Variants in RBP4 observed in about 807,000 individuals in gnomAD.
RBP4 encodes the protein retinol-binding protein 4.
In RBP4, 9 loss-of-function variants were observed where a neutral mutation model predicts 26.2. The observed-to-expected ratio is 0.34, with a 90% confidence interval of 0.21 to 0.60. The LOEUF is 0.60. RBP4 is among the 20% of genes least tolerant of loss of function. The pLI is 0.80. For synonymous variants in RBP4, 114 were observed against 111.0 expected (o/e 1.03, Z -0.17); for missense variants, 244 against 271.3 (o/e 0.90, Z 0.71).
chr10:93,599,683 C>T (rs1253820257), intron 4 of RBP4, among the ~76,000 whole-genome samples: 1 of 152,142 alleles, frequency 6.6e-6, no homozygotes, highest in Non-Finnish European at 1.5e-5. Flanking sequence ...GTCCCCTGGC[C>T]TGCATTATTC....
In RBP4 at chr10:93,591,951, T is replaced by C. The variant is rs369036602; in HGVS notation, c.*124A>G. 1.1e-5 allele frequency: 9 copies of C among 842,670 alleles called. No individual in the cohort carries two copies. Among genetic ancestry groups the C allele is most frequent in the East Asian group, 7.3e-5 (3 of 41,090 alleles). The allele number at this position is 842,670 out of a possible 1,614,324, so 52.2% of individuals were successfully genotyped here. A position where few individuals can be genotyped will look rare whatever the true frequency, so the allele number is the denominator to read the frequency against. ...CCCCCACGTGTATCTTTATGTGTAATGAAGGTTTTATGGGAACTGAGGGAA... is the reference window on the plus strand; with the variant it reads ...CCCCCACGTGTATCTTTATGTGTAACGAAGGTTTTATGGGAACTGAGGGAA... On this transcript the variant is annotated 3_prime_UTR_variant, in exon 6 of 6. Transcript: ENST00000371464.
intron 3 of RBP4, 55 bp from the exon 4 acceptor site, chr10:93,600,554 C>T: frequency 1.2e-6 from 2 of 1,612,148 alleles, no homozygotes; most frequent in Non-Finnish European, 8.5e-7. Flanking sequence ...TCCTCCCTCC[C>T]TCCACCCATT....
At chr10:93,601,374 A>G (rs923666990), upstream of RBP4, 24 of 1,247,934 alleles carry the variant, frequency 1.9e-5, no homozygotes, top group South Asian at 4.6e-4. Context: ...GAGCCCGGGC[A>G]CGGGCAGGGT....
At chr10:93,596,836 C>G (rs2058305947) in intron 4 of RBP4, among the ~76,000 whole-genome samples, 1 of 152,194 alleles carries the variant, frequency 6.6e-6, no homozygotes, top group Non-Finnish European at 1.5e-5. Flanking sequence ...CCTGCATGCT[C>G]CAATCATCTA....
intron 3 of RBP4, 55 bp downstream of exon 3, chr10:93,600,612 G>T: frequency 3.1e-6 from 5 of 1,612,526 alleles, no homozygotes; most frequent in Non-Finnish European, 4.2e-6. Flanking sequence ...CAGCAGGCAG[G>T]GCCCTTGGGG....
intron 3 of RBP4, 60 bp from the exon 4 acceptor site, chr10:93,600,559 C>T: frequency 6.2e-7 from 1 of 1,612,246 alleles, no homozygotes; most frequent in Non-Finnish European, 8.5e-7. Context: ...CCTCCCTCCA[C>T]CCATTCGGTG....
chr10:93,593,884 A>G lies in RBP4; in HGVS notation c.507T>C (p.Ile169=), dbSNP rs750444432. Residue 169 remains isoleucine, a synonymous_variant, in exon 5 of 6, where the codon ATT becomes ATC. Transcript: ENST00000371464. ...PNGLPPEAQK[I]VRQRQEELCL... Reference sequence around the variant, plus strand: ...ACAGCTCCTCCTGCCGCTGCCTTACAATCTTCTGCGCTTCTGGGGGCAGGC... The same window carrying G: ...ACAGCTCCTCCTGCCGCTGCCTTACGATCTTCTGCGCTTCTGGGGGCAGGC... 1.4e-5 allele frequency: 23 copies of G among 1,613,600 alleles called. No homozygotes were observed. The highest frequency in any genetic ancestry group is 1.9e-5 in the Non-Finnish European group (22 of 1,180,010).
intron 4 of RBP4, among the ~76,000 whole-genome samples, chr10:93,599,069 G>A (rs981049439): frequency 2.0e-5 from 3 of 151,824 alleles, no homozygotes; most frequent in Non-Finnish European, 4.4e-5. Flanking sequence ...GGCAAGCTGG[G>A]GAGACCCTGA....
upstream of RBP4, chr10:93,601,654 C>A: frequency 1.3e-6 from 1 of 778,172 alleles, no homozygotes; most frequent in South Asian, 1.3e-5. Flanking sequence ...CCTGGCCATG[C>A]CAAATTGGCG....
chr10:93,593,756 G>A lies in RBP4; in HGVS notation c.568+67C>T, dbSNP rs76582050. The A allele has an allele frequency of 0.08, 121,062 of 1,521,986 alleles. 5,652 individuals are homozygous for A. Among genetic ancestry groups the A allele is most frequent in the Non-Finnish European group, 0.093 (102,467 of 1,104,308 alleles). 94.3% of individuals were successfully genotyped at this position (1,521,986 alleles called of 1,614,324 possible). On this transcript the variant is annotated intron_variant, in intron 5 of 5. Coordinates refer to ENST00000371464, the MANE Select transcript of RBP4 (RefSeq NM_006744.4). ...CGGACAAAATGAATTTCACTAGCAC[G>A]TGGGCCCCTTAGTCCAAACCCACTG...
chr10:93,595,813 C>T (rs1354805359), intron 4 of RBP4, among the ~76,000 whole-genome samples: 1 of 152,218 alleles, frequency 6.6e-6, no homozygotes. Flanking sequence ...GTGTGGAGCC[C>T]CTCTCTTCAA....
chr10:93,596,466 T>G (rs967714450), intron 4 of RBP4, among the ~76,000 whole-genome samples: 1 of 152,098 alleles, frequency 6.6e-6, no homozygotes, highest in Non-Finnish European at 1.5e-5. Context: ...GAGAATGAGG[T>G]TGGTTCTCTA....
intron 4 of RBP4, among the ~76,000 whole-genome samples, chr10:93,598,210 C>G (rs541644412): frequency 1.3e-5 from 2 of 152,292 alleles, no homozygotes; most frequent in African/African-American, 4.8e-5. Context: ...ATTTCACGAC[C>G]AGGGAGATAA....
upstream of RBP4, chr10:93,601,317 G>A (rs984193876): frequency 5.5e-5 from 67 of 1,223,898 alleles, no homozygotes; most frequent in African/African-American, 5.7e-4. Flanking sequence ...GTGAAAGACC[G>A]AAGGGGAGGC....
chr10:93,599,206 G>A (rs898053291), intron 4 of RBP4, among the ~76,000 whole-genome samples: 4 of 151,392 alleles, frequency 2.6e-5, no homozygotes, highest in African/African-American at 4.9e-5. Flanking sequence ...CCATGATGGC[G>A]CCACTGCACT....
At chr10:93,593,299 A>G (rs1480368098) in intron 5 of RBP4, among the ~76,000 whole-genome samples, 1 of 152,214 alleles carries the variant, frequency 6.6e-6, no homozygotes, top group Admixed American at 6.5e-5. Context: ...GTTCCAGAGA[A>G]TCTCAAAACC....
At position 93,600,759 on chromosome 10, in the gene RBP4, G is replaced by A. The variant is rs151192231; in HGVS notation, c.156C>T (p.Gly52=). ...WYAMAKKDPE[G]LFLQDNIVAE... The stretch of plus-strand genomic sequence containing the variant: ...CGACGATGTTGTCCTGCAGAAAGAG[G>A]CCCTCGGGGTCCTTCTTGGCCATGG... Residue 52 remains glycine (G), a synonymous_variant, in exon 3 of 6, where the codon GGC becomes GGT. Transcript: ENST00000371464. 1.8e-5 allele frequency: 29 copies of A among 1,611,268 alleles called. 2 individuals are homozygous for A. The South Asian group carries it at 3.2e-4, about 18-fold the overall frequency.
At chr10:93,595,153 A>C (rs1460586514) in intron 4 of RBP4, among the ~76,000 whole-genome samples, 1 of 152,090 alleles carries the variant, frequency 6.6e-6, no homozygotes, top group Non-Finnish European at 1.5e-5. Flanking sequence ...AATAAAAAAG[A>C]AAGAAAAAAA....
chr10:93,593,952 A>G lies in RBP4; in HGVS notation c.439T>C (p.Cys147Arg), dbSNP rs2058285407. Residue 147 changes from cysteine to arginine, a missense_variant, in exon 5 of 6, where the codon TGT (cysteine) becomes CGT (arginine). By Grantham distance (180) the Cys-to-Arg change is radical (BLOSUM62 -3). Coordinates refer to ENST00000371464, the MANE Select transcript of RBP4 (RefSeq NM_006744.4). The stretch of plus-strand genomic sequence containing the variant: ...AACACGAAGGAGTAGCTGTCAGCAC[A>G]GGTGCCATCGAGGTTCAGGAGGCGG... Reference protein sequence around the residue: ...SCRLLNLDGTCADSYSFVFSR... With the variant: ...SCRLLNLDGTRADSYSFVFSR... The G allele has an allele frequency of 1.2e-6, 2 of 1,613,972 alleles. No homozygotes were observed. The highest frequency in any genetic ancestry group is 1.3e-5 in the African/African-American group (1 of 74,920).
Sources: allele counts gnomAD v4.1 joint callset (sites outside exome capture counted in the v4.1 genomes callset), GRCh38; gene constraint gnomAD v4.1.1; transcripts MANE v1.5; gene names NCBI Gene and HGNC (gene_info 2026-07-23, HGNC 2026-07-21).